The following UGT3A2 variants were observed in gnomAD, a reference collection of about 807,000 sequenced individuals.
UGT3A2 encodes the protein UDP glycosyltransferase family 3 member A2.
UGT3A2 carries 32 observed loss-of-function variants against 39.8 expected under a neutral mutation model. The observed-to-expected ratio is 0.80, with a 90% CI of 0.61 to 1.08. The LOEUF is 1.08. UGT3A2 is among the 50% of genes least tolerant of loss of function. The pLI, the probability that UGT3A2 is intolerant of heterozygous loss-of-function variation, is 0.00. For missense variants in UGT3A2, 611 were observed against 637.1 expected (o/e 0.96, Z 0.44); for synonymous variants, 241 against 230.7 (o/e 1.04, Z -0.40).
chr5:36,037,840 C>T lies in UGT3A2; in HGVS notation c.1252G>A (p.Glu418Lys). Residue 418 changes from glutamate to lysine, a missense_variant, in exon 6 of 7, where the codon GAG becomes AAG. By Grantham distance (56) the Glu-to-Lys change is moderately conservative. Coordinates refer to ENST00000282507, the MANE Select transcript of UGT3A2 (RefSeq NM_174914.4). The part of the protein sequence containing the change: ...VSIQLKKLKA[E>K]TLALKMKQIM... Reference sequence around the variant, plus strand: ...TGTTTCATCTTAAGAGCCAATGTCTCTGCCTTGAGCTTCTTTAACTGAATA... The same window carrying T: ...TGTTTCATCTTAAGAGCCAATGTCTTTGCCTTGAGCTTCTTTAACTGAATA... 2.5e-6 allele frequency: 4 copies of T among 1,614,186 alleles called. No individual in the cohort carries two copies. Among genetic ancestry groups the T allele is most frequent in the Non-Finnish European group, 3.4e-6 (4 of 1,180,032 alleles).
intron 3 of UGT3A2, 101 bp from the exon 4 acceptor site, chr5:36,049,521 A>G: frequency 1.1e-6 from 1 of 930,316 alleles, no homozygotes; most frequent in Non-Finnish European, 1.6e-6. Flanking sequence ...GAAAGCAACA[A>G]CCTTTCTAGC....
At chr5:36,037,550 A>G (rs149455910) in intron 6 of UGT3A2, among the ~76,000 whole-genome samples, 203 of 152,270 alleles carry the variant, frequency 1.3e-3, no homozygotes, top group Admixed American at 5.9e-3. Flanking sequence ...CCCCCTGTAC[A>G]TAGTCCAGGT....
Position 36,037,982 on chromosome 5 carries a change from G to A in UGT3A2, c.1110C>T (p.Gly370=), listed in dbSNP as rs72742496. The A allele has an allele frequency of 2.2e-4, 361 of 1,610,670 alleles. No individual in the cohort carries two copies. The highest frequency in any genetic ancestry group is 1.2e-3 in the Middle Eastern group (7 of 6,004). The change falls in exon 6 of 7, where the codon GGC becomes GGT. Residue 370 remains glycine, a synonymous_variant. Coordinates refer to ENST00000282507, the MANE Select transcript of UGT3A2 (RefSeq NM_174914.4). ...TGGCCTCCATTATGCTATTCTGCCC[G>A]CCGTGGGTGACAAACAGACGGATGC... The part of the protein sequence containing the change: ...HPSIRLFVTH[G]GQNSIMEAIQ...
chr5:36,053,686 A>G (rs534721083), intron 2 of UGT3A2, among the ~76,000 whole-genome samples: 27 of 152,326 alleles, frequency 1.8e-4, no homozygotes, highest in Admixed American at 9.8e-4. Context: ...ACACAACACA[A>G]GGTATTGTCT....
rs372919271 is a variant in UGT3A2 at position 36,039,696 on chromosome 5, A to T, written c.856T>A (p.Phe286Ile). The T allele has an allele frequency of 6.2e-7, 1 of 1,614,158 alleles. No homozygotes were observed. Among genetic ancestry groups the T allele is most frequent in the Non-Finnish European group, 8.5e-7 (1 of 1,179,992 alleles). ...IKPVPQDLEN[F>I]IAKFGDSGFV... ...CCAGAGTCCCCAAACTTGGCAATGA[A>T]GTTCTCCAAGTCCTGGAGAAAGATT... The change falls in exon 5 of 7, where the codon TTC (phenylalanine) becomes ATC (isoleucine). Residue 286 changes from phenylalanine (F) to isoleucine (I), a missense_variant. Transcript: ENST00000282507.
intron 6 of UGT3A2, 46 bp downstream of exon 6, chr5:36,037,751 T>C (rs772797804): frequency 4.4e-6 from 7 of 1,605,632 alleles, no homozygotes; most frequent in African/African-American, 1.3e-5. Flanking sequence ...CTTAGTGTTT[T>C]TGCCTTCATT....
chr5:36,043,209 A>G (rs1742065520), intron 4 of UGT3A2, among the ~76,000 whole-genome samples: 2 of 152,116 alleles, frequency 1.3e-5, no homozygotes, highest in South Asian at 4.1e-4. Flanking sequence ...GAATAAAACT[A>G]TAAGTCAATA....
intron 4 of UGT3A2, among the ~76,000 whole-genome samples, chr5:36,046,467 G>A (rs1374870057): frequency 6.6e-6 from 1 of 152,180 alleles, no homozygotes; most frequent in East Asian, 1.9e-4. Flanking sequence ...CAACAATATG[G>A]ATGAAACTAG....
chr5:36,061,598 C>A (rs1465363011), intron 2 of UGT3A2, among the ~76,000 whole-genome samples: 9 of 150,686 alleles, frequency 6.0e-5, no homozygotes, highest in Admixed American at 5.9e-4. Context: ...GCATAGTATT[C>A]CATGGTGTAT....
At chr5:36,045,595 A>G (rs571762224) in intron 4 of UGT3A2, among the ~76,000 whole-genome samples, 1 of 150,514 alleles carries the variant, frequency 6.6e-6, no homozygotes, top group Admixed American at 6.6e-5. Context: ...CTCAGTCCTC[A>G]GTCTCAAAAA....
chr5:36,055,774 T>C (rs1742490980), intron 2 of UGT3A2, among the ~76,000 whole-genome samples: 1 of 152,216 alleles, frequency 6.6e-6, no homozygotes, highest in Non-Finnish European at 1.5e-5. Context: ...CTTCTATTCC[T>C]TTTCCTTTTC....
intron 4 of UGT3A2, among the ~76,000 whole-genome samples, chr5:36,047,846 C>T (rs1179463419): frequency 1.3e-5 from 2 of 152,274 alleles, no homozygotes; most frequent in African/African-American, 4.8e-5. Flanking sequence ...TAGCCAGTGC[C>T]ACCCAGGGAA....
At chr5:36,043,566 C>A (rs1742077415) in intron 4 of UGT3A2, among the ~76,000 whole-genome samples, 1 of 151,478 alleles carries the variant, frequency 6.6e-6, no homozygotes, top group Non-Finnish European at 1.5e-5. Context: ...AAAAAAAGAT[C>A]AATGAAATGA....
chr5:36,054,008 T>A (rs963953297), intron 2 of UGT3A2, among the ~76,000 whole-genome samples: 1 of 152,128 alleles, frequency 6.6e-6, no homozygotes, highest in Admixed American at 6.5e-5. Context: ...ACACATAAAA[T>A]ACAGTAACAC....
intron 4 of UGT3A2, among the ~76,000 whole-genome samples, chr5:36,044,833 G>A (rs1742118054): frequency 6.6e-6 from 1 of 152,004 alleles, no homozygotes. Context: ...AATTGAAGAG[G>A]ACATTTTAAA....
At chr5:36,038,150 T>TG in intron 5 of UGT3A2, 134 bp from the exon 6 acceptor site, 1 of 917,032 alleles carries the variant, frequency 1.1e-6, no homozygotes, top group Non-Finnish European at 1.6e-6. Flanking sequence ...TGACTGTGCT[T>TG]GGGACACATC....
intron 2 of UGT3A2, among the ~76,000 whole-genome samples, chr5:36,054,504 C>T (rs1742444998): frequency 6.6e-6 from 1 of 152,170 alleles, no homozygotes. Context: ...ATTCCCAAAT[C>T]ACATCATCCA....
rs772618521 is a variant in UGT3A2, at chr5:36,049,023, A to G, written c.709T>C (p.Leu237=). 2 of 1,614,226 alleles carry G rather than the reference A, an allele frequency of 1.2e-6. No individual in the cohort carries two copies. Among genetic ancestry groups the G allele is most frequent in the Non-Finnish European group, 1.7e-6 (2 of 1,180,042 alleles). Residue 237 remains leucine (L), a synonymous_variant, in exon 4 of 7, where the codon TTG becomes CTG. Coordinates refer to ENST00000282507, the MANE Select transcript of UGT3A2 (RefSeq NM_174914.4). ...TCTGCTTTCAGTAGAAGATGAGACA[A>G]AACTGGCCTAGAGCCTTCTGTGAAA... ...EHFTEGSRPV[L]SHLLLKAELW...
chr5:36,039,425 G>T, intron 5 of UGT3A2, 52 bp downstream of exon 5: 1 of 1,540,492 alleles, frequency 6.5e-7, no homozygotes, highest in Non-Finnish European at 9.0e-7. Flanking sequence ...GCCGTGATGA[G>T]CCCCAAAGAC....
Sources: allele counts gnomAD v4.1 joint callset (sites outside exome capture counted in the v4.1 genomes callset), GRCh38; gene constraint gnomAD v4.1.1; transcripts MANE v1.5; gene names NCBI Gene and HGNC (gene_info 2026-07-23, HGNC 2026-07-21).